IDO2: variants seen among roughly 807,000 people sequenced by gnomAD.
IDO2 encodes the protein indoleamine 2,3-dioxygenase-like 1 protein.
A neutral mutation model predicts 45.1 loss-of-function variants in IDO2; 46 were observed. That is an observed-to-expected ratio of 1.02 (90% CI 0.80 to 1.30). The LOEUF (loss-of-function observed/expected upper bound fraction) is 1.30, where lower values mean the gene tolerates loss of function less well. IDO2 is among the 50% of genes most tolerant of loss of function. The pLI is 0.00. For synonymous variants in IDO2, 218 were observed against 184.9 expected, an observed-to-expected ratio of 1.18 and a Z score of -1.45; for missense variants, 544 against 491.8, an observed-to-expected ratio of 1.11 and a Z score of -1.00.
intron 9 of IDO2, among the ~76,000 whole-genome samples, chr8:40,010,389 G>T (rs184393610): frequency 6.6e-6 from 1 of 152,282 alleles, no homozygotes; most frequent in East Asian, 1.9e-4. Flanking sequence ...GTAGAGACCG[G>T]ATCATGTAGA....
At chr8:39,958,020 C>T (rs1314807937) in intron 2 of IDO2, among the ~76,000 whole-genome samples, 1 of 150,308 alleles carries the variant, frequency 6.7e-6, no homozygotes, top group African/African-American at 2.4e-5. Context: ...ATTCTCCCGC[C>T]TCAGCCTCCC....
At chr8:39,996,841 A>G (rs1563438844) in intron 8 of IDO2, among the ~76,000 whole-genome samples, 1 of 152,148 alleles carries the variant, frequency 6.6e-6, no homozygotes, top group South Asian at 2.1e-4. Flanking sequence ...GAATTCCAAC[A>G]CTCTTAATAA....
intron 3 of IDO2, among the ~76,000 whole-genome samples, chr8:39,973,376 C>A (rs1222623070): frequency 2.0e-5 from 3 of 152,068 alleles, no homozygotes; most frequent in Admixed American, 2.0e-4. Context: ...TAGCAATGAG[C>A]AAACCCACTG....
chr8:39,961,410 C>T (rs949133291), intron 2 of IDO2, among the ~76,000 whole-genome samples: 7 of 143,300 alleles, frequency 4.9e-5, no homozygotes, highest in Middle Eastern at 5.1e-3. Flanking sequence ...GCAACTTTCG[C>T]CTCCCAGGTT....
intron 7 of IDO2, among the ~76,000 whole-genome samples, chr8:39,988,940 T>A (rs1808463045): frequency 6.6e-6 from 1 of 152,176 alleles, no homozygotes; most frequent in South Asian, 2.1e-4. Flanking sequence ...CAAGGAAGTC[T>A]TCCCAGCAGA....
intron 2 of IDO2, among the ~76,000 whole-genome samples, chr8:39,961,343 A>G (rs1216468458): frequency 1.7e-5 from 1 of 57,540 alleles, no homozygotes; most frequent in Non-Finnish European, 4.1e-5. Context: ...TTTTTTTGAA[A>G]TGGAGTGTTA....
chr8:39,981,182 C>T (rs1254435478), intron 4 of IDO2, among the ~76,000 whole-genome samples: 3 of 151,978 alleles, frequency 2.0e-5, no homozygotes, highest in African/African-American at 7.3e-5. Flanking sequence ...CTATCTCAGC[C>T]TCCCAAGTAA....
intron 3 of IDO2, among the ~76,000 whole-genome samples, chr8:39,975,083 C>T (rs777266353): frequency 4.6e-5 from 7 of 151,746 alleles, no homozygotes; most frequent in Non-Finnish European, 7.4e-5. Flanking sequence ...TGCCACTGTA[C>T]TCCAGCCTGG....
intron 1 of IDO2, among the ~76,000 whole-genome samples, chr8:39,944,277 T>C (rs77116763): frequency 6.6e-6 from 1 of 151,778 alleles, no homozygotes; most frequent in African/African-American, 2.4e-5. Flanking sequence ...AGGATCCACT[T>C]TGGGATTACA....
At chr8:39,989,810 C>T in exon 8 of IDO2, 3 of 1,601,002 alleles carry the variant, frequency 1.9e-6, no homozygotes, top group Non-Finnish European at 2.6e-6. Context: ...CTATTCAGGA[C>T]ATCACCAAAA....
intron 1 of IDO2, among the ~76,000 whole-genome samples, chr8:39,948,807 A>G (rs1807775168): frequency 1.3e-5 from 2 of 152,322 alleles, no homozygotes; most frequent in South Asian, 2.1e-4. Flanking sequence ...GTTAGGGTAC[A>G]GGTTTGATAA....
chr8:39,950,151 C>T (rs1807791665), intron 2 of IDO2, among the ~76,000 whole-genome samples: 2 of 152,080 alleles, frequency 1.3e-5, no homozygotes, highest in Non-Finnish European at 2.9e-5. Context: ...ACTAGTTCTG[C>T]TTATAACTCT....
chr8:39,936,251 T>G (rs1389254600), intron 1 of IDO2, among the ~76,000 whole-genome samples: 1 of 152,208 alleles, frequency 6.6e-6, no homozygotes, highest in Non-Finnish European at 1.5e-5. Flanking sequence ...AAAATTACCC[T>G]GCTATTGATT....
chr8:39,973,902 C>T (rs1563431842), intron 3 of IDO2, among the ~76,000 whole-genome samples: 1 of 152,004 alleles, frequency 6.6e-6, no homozygotes, highest in Non-Finnish European at 1.5e-5. Context: ...CCACCACGCC[C>T]AGCTAATTTT....
At chr8:39,976,763 T>C (rs1347568369) in intron 3 of IDO2, among the ~76,000 whole-genome samples, 1 of 152,164 alleles carries the variant, frequency 6.6e-6, no homozygotes, top group Admixed American at 6.6e-5. Context: ...GTTAGCTGAG[T>C]AGCATTAAGA....
chr8:40,009,140 A>G lies in IDO2; in HGVS notation c.719+3762A>G, dbSNP rs551207256. Among the ~76,000 whole-genome samples, 627 of 152,178 alleles carry G rather than the reference A, an allele frequency of 4.1e-3. 11 individuals carry two copies. Among genetic ancestry groups the G allele is most frequent in the Non-Finnish European group, 3.8e-3 (259 of 67,990 alleles). ...AGCTTTCCTCCTGCCTCAGCCTCCC[A>G]AGTAGCTGGGACTACAGGCACCTGC... is the stretch of plus-strand genomic sequence containing the variant. On this transcript the variant is annotated intron_variant, in intron 9 of 10. Coordinates refer to ENST00000502986, the Ensembl canonical transcript of IDO2.
chr8:39,985,512 C>T (rs753736351), exon 6 of IDO2: 49 of 1,564,882 alleles, frequency 3.1e-5, no homozygotes, highest in Non-Finnish European at 4.2e-5. Flanking sequence ...GGCTAGATTC[C>T]TGGAAATTGG....
intron 3 of IDO2, among the ~76,000 whole-genome samples, chr8:39,974,936 AC>A (rs1808236332): frequency 1.3e-5 from 2 of 150,986 alleles, no homozygotes; most frequent in Admixed American, 1.3e-4. Context: ...TAAAAACAAA[AC>A]AAAACAAAAC....
intron 2 of IDO2, among the ~76,000 whole-genome samples, chr8:39,957,503 T>C (rs1185887604): frequency 6.6e-6 from 1 of 152,160 alleles, no homozygotes; most frequent in Non-Finnish European, 1.5e-5. Flanking sequence ...TTCCAGCTAC[T>C]TGGGAGGCTG....
Sources: allele counts gnomAD v4.1 joint callset (sites outside exome capture counted in the v4.1 genomes callset), GRCh38; gene constraint gnomAD v4.1.1; transcripts MANE v1.5; gene names NCBI Gene and HGNC (gene_info 2026-07-23, HGNC 2026-07-21).